The following AGA variants were observed in gnomAD, a reference collection of about 807,000 sequenced individuals.
AGA encodes the protein aspartylglucosaminidase, also known as N(4)-(beta-N-acetylglucosaminyl)-L-asparaginase.
Under a neutral mutation model 40.1 loss-of-function variants are expected in AGA, and 31 were observed. The observed-to-expected ratio is 0.77, with a 90% CI of 0.58 to 1.04. The LOEUF (loss-of-function observed/expected upper bound fraction) is 1.04, where lower values mean the gene tolerates loss of function less well. Among genes scored for constraint, AGA ranks in the 50% least tolerant of loss-of-function variants. The pLI, the probability that AGA is intolerant of heterozygous loss-of-function variation, is 0.00. For synonymous variants in AGA, 148 were observed against 144.0 expected (o/e 1.03, Z -0.20); for missense variants, 445 against 435.4 (o/e 1.02, Z -0.20).
chr4:177,440,377 G>A lies in AGA; in HGVS notation c.177C>T (p.Ser59=), dbSNP rs757480668. The stretch of plus-strand genomic sequence containing the variant: ...GCTCTCTCTCACACATGGCACAGCC[G>A]CTCTCCACTGCATCCAGGGCAGAGC... ...SGGSALDAVE[S]GCAMCEREQC... Residue 59 remains serine (S), a synonymous_variant, in exon 2 of 9, where the codon AGC becomes AGT. Transcript: ENST00000264595. The A allele has an allele frequency of 4.3e-6, 7 of 1,613,862 alleles. 1 individual carries two copies. In the South Asian group the frequency reaches 5.5e-5, roughly 13 times the overall value.
At chr4:177,442,074 C>A (rs950440693) in intron 1 of AGA, among the ~76,000 whole-genome samples, 175 bp downstream of exon 1, 2 of 152,182 alleles carry the variant, frequency 1.3e-5, no homozygotes, top group Admixed American at 1.3e-4. Flanking sequence ...AGGCCACTTG[C>A]AAGAGACTGA....
At chr4:177,439,007 A>G (rs1388060048) in intron 3 of AGA, 150 bp from the exon 4 acceptor site, 3 of 702,490 alleles carry the variant, frequency 4.3e-6, no homozygotes, top group Non-Finnish European at 7.9e-6. Context: ...CAGTTTTAAG[A>G]GACTCAATTT....
rs1052408451 is a variant in AGA, at chr4:177,440,663, T to C, written c.128-237A>G. On this transcript the variant is annotated intron_variant, in intron 1 of 8. Coordinates refer to ENST00000264595, the MANE Select transcript of AGA (RefSeq NM_000027.4). ...GTGCAAGCTGAAGGTTTTTTTTTTT[T>C]TCACTTACTAATATCTATCTCTTCT... 4.6e-5 allele frequency among the ~76,000 whole-genome samples: 7 copies of C among 152,124 alleles called. No homozygotes were observed. In the East Asian group the frequency reaches 5.8e-4, roughly 13 times the overall value.
At chr4:177,440,146 G>C (rs1736948975) in intron 2 of AGA, 127 bp downstream of exon 2, 1 of 1,154,280 alleles carries the variant, frequency 8.7e-7, no homozygotes, top group Non-Finnish European at 1.3e-6. Flanking sequence ...GTTTAGAAAG[G>C]TCAAGTATAA....
chr4:177,434,565 G>C, intron 6 of AGA, 76 bp from the exon 7 acceptor site: 1 of 1,217,588 alleles, frequency 8.2e-7, no homozygotes, highest in Non-Finnish European at 1.2e-6. Flanking sequence ...TTCCAAATAA[G>C]GGATAGTTCC....
rs1202403932 is a variant in AGA, at chr4:177,438,803, G to A, written c.449C>T (p.Ala150Val). Residue 150 changes from alanine to valine, a missense_variant, in exon 4 of 9, where the codon GCT becomes GTT. Transcript: ENST00000264595. ...GFINEDLSTT[A>V]SQALHSDWLA... ...CCAATCTGAATGAAGAGCTTGAGAA[G>A]CAGTGGTAGATAAGTCTTCATTGAT... The A allele has an allele frequency of 2.5e-6, 4 of 1,611,968 alleles. No individual in the cohort carries two copies. In the South Asian group the frequency reaches 4.4e-5, roughly 18 times the overall value.
chr4:177,436,041 T>C (rs893175820), intron 6 of AGA, among the ~76,000 whole-genome samples: 3 of 152,174 alleles, frequency 2.0e-5, no homozygotes, highest in Non-Finnish European at 2.9e-5. Flanking sequence ...ATCACTTTAC[T>C]GGTGTTCCTA....
intron 1 of AGA, among the ~76,000 whole-genome samples, chr4:177,441,733 G>GA (rs1260603607): frequency 2.6e-5 from 4 of 152,162 alleles, no homozygotes; most frequent in African/African-American, 9.7e-5. Context: ...CAGATAGTGT[G>GA]AATGTACAGC....
chr4:177,434,040 C>G (rs1044089503), intron 7 of AGA, among the ~76,000 whole-genome samples: 6 of 152,190 alleles, frequency 3.9e-5, no homozygotes, highest in Admixed American at 3.9e-4. Context: ...GTTGCCCACA[C>G]TGGAGTGCAG....
rs748440983 is a variant in AGA at position 177,438,842 on chromosome 4, T to G, written c.410A>C (p.Gln137Pro). The G allele has an allele frequency of 6.3e-7, 1 of 1,588,908 alleles. No homozygotes were observed. Among genetic ancestry groups the G allele is most frequent in the Non-Finnish European group, 8.6e-7 (1 of 1,156,934 alleles). The change falls in exon 4 of 9, where the codon CAA becomes CCA. Residue 137 changes from glutamine (Q) to proline (P), a missense_variant. Transcript: ENST00000264595. ...LVGESATTFA[Q>P]SMGFINEDLS... The stretch of plus-strand genomic sequence containing the variant: ...GTCTTCATTGATAAACCCCATACTT[T>G]GAGCAAATGTGGTGGCTGGAGATTG...
chr4:177,438,838 A>C lies in AGA; in HGVS notation c.414T>G (p.Ser138Arg), dbSNP rs370524263. Reference sequence around the variant, plus strand: ...ATAAGTCTTCATTGATAAACCCCATACTTTGAGCAAATGTGGTGGCTGGAG... The same window carrying C: ...ATAAGTCTTCATTGATAAACCCCATCCTTTGAGCAAATGTGGTGGCTGGAG... Reference protein sequence around the residue: ...VGESATTFAQSMGFINEDLST... With the variant: ...VGESATTFAQRMGFINEDLST... Residue 138 changes from serine to arginine, a missense_variant, in exon 4 of 9, where the codon AGT (serine) becomes AGG (arginine). By Grantham distance (110) the Ser-to-Arg change is moderately radical. Coordinates refer to ENST00000264595, the MANE Select transcript of AGA (RefSeq NM_000027.4). 2 of 1,595,994 alleles carry C rather than the reference A, an allele frequency of 1.3e-6. No individual in the cohort carries two copies. The highest frequency in any genetic ancestry group is 1.7e-6 in the Non-Finnish European group (2 of 1,163,446).
intron 6 of AGA, 69 bp downstream of exon 6, chr4:177,436,207 T>G: frequency 7.6e-7 from 1 of 1,309,438 alleles, no homozygotes; most frequent in South Asian, 1.2e-5. Flanking sequence ...GCAACCCCCA[T>G]AGCACCCGGC....
At position 177,431,240 on chromosome 4, in the gene AGA, A is replaced by G. The variant is rs1470699382; in HGVS notation, c.*468T>C. On this transcript the variant is annotated 3_prime_UTR_variant, in exon 9 of 9. Coordinates refer to ENST00000264595, the MANE Select transcript of AGA (RefSeq NM_000027.4). ...TTTTAGGGAATATTAAGTAAAACCA[A>G]TAATCAGTGCTAAGACATGCATCAC... 4.5e-6 allele frequency: 2 copies of G among 441,488 alleles called. No homozygotes were observed. The highest frequency in any genetic ancestry group is 2.5e-5 in the Admixed American group (1 of 39,614). The allele number at this position is 441,488 out of a possible 1,614,324, so 27.3% of individuals were successfully genotyped here.
intron 5 of AGA, 71 bp downstream of exon 5, chr4:177,437,334 G>A (rs1736855805): frequency 2.8e-6 from 3 of 1,055,192 alleles, no homozygotes; most frequent in Admixed American, 1.8e-5. Flanking sequence ...TCTGGTAGAA[G>A]AATAGGGAAG....
At position 177,431,472 on chromosome 4, in the gene AGA, A is replaced by T. The variant is rs1736631051; in HGVS notation, c.*236T>A. ...TCCAAGTGTCACTTAAAACTTAAAT[A>T]TATACAAAATACAGCCACATACATA... On this transcript the variant is annotated 3_prime_UTR_variant, in exon 9 of 9. Coordinates refer to ENST00000264595, the MANE Select transcript of AGA (RefSeq NM_000027.4). 1.8e-6 allele frequency: 1 copy of T among 548,042 alleles called. No homozygotes were observed. The highest frequency in any genetic ancestry group is 3.3e-6 in the Non-Finnish European group (1 of 303,968). 33.9% of individuals were successfully genotyped at this position (548,042 alleles called of 1,614,324 possible).
chr4:177,431,304 A>T lies in AGA; in HGVS notation c.*404T>A, dbSNP rs1483283776. 1 of 447,880 alleles carries T rather than the reference A, an allele frequency of 2.2e-6. No homozygotes were observed. The highest frequency in any genetic ancestry group is 4.4e-6 in the Non-Finnish European group (1 of 225,688). The allele number at this position is 447,880 out of a possible 1,614,324, so 27.7% of individuals were successfully genotyped here. Reference sequence around the variant, plus strand: ...AATTCAATCAGGACTGATCATGCTGAGACTCTGCTGTTTTTTTCTTTGGGT... The same window carrying T: ...AATTCAATCAGGACTGATCATGCTGTGACTCTGCTGTTTTTTTCTTTGGGT... On this transcript the variant is annotated 3_prime_UTR_variant, in exon 9 of 9. Transcript: ENST00000264595.
chr4:177,440,117 C>A, intron 2 of AGA, 156 bp downstream of exon 2: 1 of 824,656 alleles, frequency 1.2e-6, no homozygotes, highest in Non-Finnish European at 1.9e-6. Context: ...TTTTTTTTTT[C>A]AGTTGAGAGG....
intron 1 of AGA, 34 bp downstream of exon 1, chr4:177,442,215 G>A: frequency 6.2e-7 from 1 of 1,611,348 alleles, no homozygotes; most frequent in Non-Finnish European, 8.5e-7. Context: ...AAGCTCTCGC[G>A]GCGCAGCCGC....
At chr4:177,440,057 A>C (rs531930128) in intron 2 of AGA, 58 of 613,816 alleles carry the variant, frequency 9.4e-5, no homozygotes, top group South Asian at 6.4e-4. Flanking sequence ...GCATTCTCCC[A>C]GTTCTAAGGG....
Sources: allele counts gnomAD v4.1 joint callset (sites outside exome capture counted in the v4.1 genomes callset), GRCh38; gene constraint gnomAD v4.1.1; transcripts MANE v1.5; gene names NCBI Gene and HGNC (gene_info 2026-07-23, HGNC 2026-07-21).